CPNE8: variants seen among roughly 807,000 people sequenced by gnomAD.
CPNE8 encodes copine-8.
CPNE8 carries 45 observed loss-of-function variants against 81.5 expected under a neutral mutation model. The ratio of observed to expected loss-of-function variants is 0.55; its 90% CI spans 0.44 to 0.71. The LOEUF is 0.71. Among genes scored for constraint, CPNE8 ranks in the 30% least tolerant of loss-of-function variants. CPNE8 has a pLI of 0.00. For missense variants in CPNE8, 594 were observed against 672.1 expected (o/e 0.88, Z 1.28); for synonymous variants, 252 against 226.3 (o/e 1.11, Z -1.02).
chr12:38,709,073 A>G (rs2136704991), intron 13 of CPNE8, among the ~76,000 whole-genome samples: 1 of 152,304 alleles, frequency 6.6e-6, no homozygotes, highest in South Asian at 2.1e-4. Flanking sequence ...CCCACCTAAC[A>G]ATAATATTCC....
At chr12:38,818,241 GC>G (rs200735212) in intron 6 of CPNE8, among the ~76,000 whole-genome samples, 3,192 of 152,138 alleles carry the variant, frequency 0.021, 49 homozygotes, top group Middle Eastern at 0.034. Flanking sequence ...TAGGTTTTAA[GC>G]CCCACATGCA....
At chr12:38,881,205 G>C (rs1174666845) in intron 1 of CPNE8, among the ~76,000 whole-genome samples, 1 of 70,182 alleles carries the variant, frequency 1.4e-5, no homozygotes, top group Non-Finnish European at 3.2e-5. Context: ...GCGAGATTCC[G>C]TCTCAAAAAA....
chr12:38,686,937 A>G (rs560418085), intron 15 of CPNE8, among the ~76,000 whole-genome samples: 29 of 152,316 alleles, frequency 1.9e-4, no homozygotes, highest in African/African-American at 7.0e-4. Context: ...TCTAGAAATG[A>G]GTTACTAAGT....
intron 7 of CPNE8, among the ~76,000 whole-genome samples, chr12:38,773,130 G>A (rs1373783299): frequency 1.3e-5 from 2 of 152,066 alleles, no homozygotes; most frequent in Non-Finnish European, 2.9e-5. Flanking sequence ...GAAGCAGGGA[G>A]TAGAATGATG....
At chr12:38,760,435 G>GTATATATA (rs139244982) in intron 10 of CPNE8, among the ~76,000 whole-genome samples, 4,923 of 127,070 alleles carry the variant, frequency 0.039, 205 homozygotes, top group South Asian at 0.11. Flanking sequence ...TGTATGGTGT[G>GTATATATA]TATATATATA....
At chr12:38,798,789 G>A (rs1316499088) in intron 6 of CPNE8, among the ~76,000 whole-genome samples, 1 of 152,160 alleles carries the variant, frequency 6.6e-6, no homozygotes, top group African/African-American at 2.4e-5. Context: ...TCAGTGTGCT[G>A]TATTCAGGAA....
At chr12:38,752,432 C>T (rs932048083) in intron 10 of CPNE8, among the ~76,000 whole-genome samples, 6 of 152,162 alleles carry the variant, frequency 3.9e-5, no homozygotes, top group Non-Finnish European at 7.3e-5. Context: ...CTCAGCTTCC[C>T]AGAACCTTCC....
At chr12:38,893,231 C>T (rs1682836314) in intron 1 of CPNE8, among the ~76,000 whole-genome samples, 1 of 152,160 alleles carries the variant, frequency 6.6e-6, no homozygotes, top group South Asian at 2.1e-4. Context: ...AAGGCTGAGA[C>T]CTGCTGGGCT....
At chr12:38,902,315 GGAAAGAAAGAAAGAAAGAAA>G (rs201678434) in intron 1 of CPNE8, among the ~76,000 whole-genome samples, 47 of 83,800 alleles carry the variant, frequency 5.6e-4, no homozygotes, top group East Asian at 3.3e-3. Flanking sequence ...AAGGAAGGAA[GGAAAGAAAGAAAGAAAGAAA>G]GAAAGAAAGA....
intron 1 of CPNE8, among the ~76,000 whole-genome samples, chr12:38,901,720 T>G (rs74936287): frequency 0.04 from 6,020 of 152,174 alleles, 438 homozygotes; most frequent in East Asian, 0.32. Flanking sequence ...AACACAAATT[T>G]AAGTGGCTAT....
At chr12:38,788,600 T>C (rs1256074306) in intron 6 of CPNE8, among the ~76,000 whole-genome samples, 2 of 151,836 alleles carry the variant, frequency 1.3e-5, no homozygotes, top group Non-Finnish European at 2.9e-5. Context: ...CTGGAAGTTC[T>C]AGCTAGAAGA....
intron 1 of CPNE8, among the ~76,000 whole-genome samples, chr12:38,902,320 GAAAGAAA>G (rs1944481891): frequency 0.032 from 1,873 of 58,506 alleles, 64 homozygotes; most frequent in Non-Finnish European, 0.038. Context: ...AGGAAGGAAA[GAAAGAAA>G]GAAAGAAAGA....
chr12:38,809,350 G>A (rs1942888113), intron 6 of CPNE8, among the ~76,000 whole-genome samples: 1 of 152,166 alleles, frequency 6.6e-6, no homozygotes, highest in East Asian at 1.9e-4. Flanking sequence ...AGTAGGTTGA[G>A]TGCCTCTCAC....
At chr12:38,699,767 T>C (rs1231969614) in intron 14 of CPNE8, among the ~76,000 whole-genome samples, 1 of 152,198 alleles carries the variant, frequency 6.6e-6, no homozygotes, top group Non-Finnish European at 1.5e-5. Context: ...GTATTATATA[T>C]ATTTCCAGAA....
chr12:38,708,147 T>C (rs1231521972), intron 13 of CPNE8, among the ~76,000 whole-genome samples: 3 of 152,204 alleles, frequency 2.0e-5, no homozygotes, highest in Admixed American at 6.5e-5. Flanking sequence ...AAATCAAGTG[T>C]CATATTCTAT....
chr12:38,839,287 C>T (rs933089297), intron 5 of CPNE8, among the ~76,000 whole-genome samples: 2 of 152,036 alleles, frequency 1.3e-5, no homozygotes, highest in Admixed American at 6.6e-5. Context: ...TTCTGTCTAG[C>T]TCTGATGCCC....
intron 13 of CPNE8, among the ~76,000 whole-genome samples, chr12:38,718,288 C>T (rs574494991): frequency 6.6e-6 from 1 of 152,216 alleles, no homozygotes; most frequent in Non-Finnish European, 1.5e-5. Context: ...GTTTAGCTGA[C>T]TTGTTAAAAA....
chr12:38,789,059 A>C (rs1003493722), intron 6 of CPNE8, among the ~76,000 whole-genome samples: 1 of 151,926 alleles, frequency 6.6e-6, no homozygotes, highest in South Asian at 2.1e-4. Flanking sequence ...TGCAATCCTT[A>C]TCAAAATACC....
chr12:38,879,371 T>C (rs977538804), intron 1 of CPNE8, among the ~76,000 whole-genome samples: 1 of 152,092 alleles, frequency 6.6e-6, no homozygotes, highest in Non-Finnish European at 1.5e-5. Context: ...CTCCTCGAAT[T>C]GTCTGTGAGC....
Sources: allele counts gnomAD v4.1 joint callset (sites outside exome capture counted in the v4.1 genomes callset), GRCh38; gene constraint gnomAD v4.1.1; transcripts MANE v1.5; gene names NCBI Gene and HGNC (gene_info 2026-07-23, HGNC 2026-07-21).